Variants in KLRG2 observed in about 807,000 individuals in gnomAD.
KLRG2 encodes killer cell lectin-like receptor subfamily G member 2.
Under a neutral mutation model 35.4 loss-of-function variants are expected in KLRG2, and 39 were observed. The observed-to-expected ratio is 1.10, with a 90% CI of 0.85 to 1.44. KLRG2 has a LOEUF of 1.44. Ranked by LOEUF, KLRG2 falls within the 40% of genes most tolerant of loss-of-function variation. The pLI, the probability that KLRG2 is intolerant of heterozygous loss-of-function variation, is 0.00. For missense variants in KLRG2, 632 were observed against 570.9 expected (o/e 1.11, Z -1.09); for synonymous variants, 283 against 265.8 (o/e 1.06, Z -0.63).
the KLRG2 span, among the ~76,000 whole-genome samples, chr7:139,445,288 G>T: frequency 6.6e-6 from 1 of 152,066 alleles, no homozygotes; most frequent in Non-Finnish European, 1.5e-5. Context: ...CCCCATGTTG[G>T]CCAGGCTGGT....
the KLRG2 span, among the ~76,000 whole-genome samples, chr7:139,429,174 C>T: frequency 2.6e-5 from 4 of 152,038 alleles, no homozygotes; most frequent in African/African-American, 7.2e-5. Flanking sequence ...GACGTGGTGG[C>T]GCGCACCTGT....
At chr7:139,460,099 C>T (rs1188942654) in intron 3 of KLRG2, among the ~76,000 whole-genome samples, 4 of 152,038 alleles carry the variant, frequency 2.6e-5, no homozygotes, top group African/African-American at 7.2e-5. Flanking sequence ...TTGGCCAGGC[C>T]GGTCTCAAAC....
At chr7:139,480,959 G>C in intron 1 of KLRG2, among the ~76,000 whole-genome samples, 1 of 151,626 alleles carries the variant, frequency 6.6e-6, no homozygotes, top group East Asian at 1.9e-4. Context: ...GGTCAGGCTG[G>C]TCTTGAACTC....
At chr7:139,453,914 C>A (rs1796413125) in intron 4 of KLRG2, among the ~76,000 whole-genome samples, 197 bp downstream of exon 4, 1 of 152,150 alleles carries the variant, frequency 6.6e-6, no homozygotes, top group South Asian at 2.1e-4. Flanking sequence ...GGGTGACAAC[C>A]CTGCTTGGGT....
Position 139,483,347 on chromosome 7 carries a change from G to A in KLRG2, c.296C>T (p.Ala99Val). Reference protein sequence around the residue: ...VCPEPPSPGPALVKLPRNGEA... With the variant: ...VCPEPPSPGPVLVKLPRNGEA... ...GCCATTCCGGGGCAGCTTGACCAAGGCAGGGCCCGGTGACGGCGGCTCGGG... is the reference window on the plus strand; with the variant it reads ...GCCATTCCGGGGCAGCTTGACCAAGACAGGGCCCGGTGACGGCGGCTCGGG... The change falls in exon 1 of 5, where the codon GCC becomes GTC. Residue 99 changes from alanine to valine, a missense_variant. By Grantham distance (64) the Ala-to-Val change is moderately conservative. Transcript: ENST00000340940. 6.5e-7 allele frequency: 1 copy of A among 1,542,964 alleles called. No homozygotes were observed. Among genetic ancestry groups the A allele is most frequent in the Non-Finnish European group, 8.7e-7 (1 of 1,154,528 alleles).
chr7:139,438,297 T>C, the KLRG2 span, among the ~76,000 whole-genome samples: 2 of 152,212 alleles, frequency 1.3e-5, no homozygotes, highest in Admixed American at 6.5e-5. Flanking sequence ...AGTGGTGTGA[T>C]TGTAGCTCAC....
At chr7:139,482,369 G>C (rs73484627) in intron 1 of KLRG2, among the ~76,000 whole-genome samples, 6,700 of 152,190 alleles carry the variant, frequency 0.044, 494 homozygotes, top group African/African-American at 0.15. Context: ...AGTGCGGGTA[G>C]GGGAGGATGA....
chr7:139,476,359 G>A (rs1308655653), intron 3 of KLRG2, among the ~76,000 whole-genome samples: 1 of 152,174 alleles, frequency 6.6e-6, no homozygotes, highest in African/African-American at 2.4e-5. Context: ...CAGAACAGCT[G>A]TGCAGCAGGC....
chr7:139,435,876 G>A, the KLRG2 span, among the ~76,000 whole-genome samples: 2 of 150,916 alleles, frequency 1.3e-5, no homozygotes, highest in Non-Finnish European at 2.9e-5. Context: ...TTGGTGAAGT[G>A]TCTATTCAGA....
chr7:139,436,990 G>A, the KLRG2 span, among the ~76,000 whole-genome samples: 2 of 152,174 alleles, frequency 1.3e-5, no homozygotes, highest in African/African-American at 2.4e-5. Context: ...AGGACCTTAC[G>A]GGTTTGAGGT....
intron 3 of KLRG2, among the ~76,000 whole-genome samples, chr7:139,467,885 CAA>C (rs61372966): frequency 0.14 from 21,563 of 152,028 alleles, 1,786 homozygotes; most frequent in African/African-American, 0.24. Flanking sequence ...GCAGTTGAGA[CAA>C]GAGGAAGGCA....
Position 139,454,853 on chromosome 7 carries a change from AATAATAATAAT to A in KLRG2, c.1006-650_1006-640del, listed in dbSNP as rs536929886. Among the ~76,000 whole-genome samples, 234 of 122,790 alleles carry A rather than the reference AATAATAATAAT, an allele frequency of 1.9e-3. 5 individuals are homozygous for A. In the South Asian group the frequency reaches 0.039, roughly 21 times the overall value. 80.6% of individuals were successfully genotyped at this position (122,790 alleles called of 152,430 possible). On this transcript the variant is annotated intron_variant, in intron 3 of 4. Transcript: ENST00000340940. ...TAATAATAATAATAATAATAATAAT[AATAATAATAAT>A]AACACACGCAGATGTGCAGGAACAA...
At chr7:139,471,002 C>T (rs1366569837) in intron 3 of KLRG2, among the ~76,000 whole-genome samples, 1 of 151,776 alleles carries the variant, frequency 6.6e-6, no homozygotes, top group Non-Finnish European at 1.5e-5. Context: ...GTCACCACAC[C>T]TGGATAATTT....
At chr7:139,450,297 C>T (rs553342498), downstream of KLRG2, among the ~76,000 whole-genome samples, 129 of 152,106 alleles carry the variant, frequency 8.5e-4, 1 homozygote, top group Middle Eastern at 3.4e-3. Flanking sequence ...GATCTCGGCT[C>T]ACTGCAAGCT....
At chr7:139,476,640 A>G (rs947267583) in intron 3 of KLRG2, among the ~76,000 whole-genome samples, 3 of 152,058 alleles carry the variant, frequency 2.0e-5, no homozygotes, top group Non-Finnish European at 2.9e-5. Context: ...GGGTTTCACC[A>G]GGTTGGCCAG....
intron 4 of KLRG2, 144 bp from the exon 5 acceptor site, chr7:139,453,851 C>A: frequency 1.0e-6 from 1 of 970,408 alleles, no homozygotes; most frequent in Non-Finnish European, 1.5e-6. Context: ...CCACGTGGCA[C>A]TGGATGAATC....
chr7:139,428,183 A>C, the KLRG2 span, among the ~76,000 whole-genome samples: 1 of 152,180 alleles, frequency 6.6e-6, no homozygotes, highest in African/African-American at 2.4e-5. Flanking sequence ...GTATCTCTCA[A>C]GCTGATTGTA....
Position 139,483,603 on chromosome 7 carries a change from CGGCTTGGCCTCCG to C in KLRG2, c.27_39del (p.Gly11GlnfsTer112). 1 of 1,586,616 alleles carries C rather than the reference CGGCTTGGCCTCCG, an allele frequency of 6.3e-7. No individual in the cohort carries two copies. Among genetic ancestry groups the C allele is most frequent in the Non-Finnish European group, 8.5e-7 (1 of 1,174,526 alleles). ...ACGGGCTCCATTGGGAGCTCTGCCCCGGCTTGGCCTCCGGGCGCAGCCTCCCAAGACTCCTCCA... is the reference window on the plus strand; with the variant it reads ...ACGGGCTCCATTGGGAGCTCTGCCCCGGCGCAGCCTCCCAAGACTCCTCCA... On this transcript the variant is annotated frameshift_variant, in exon 1 of 5. Coordinates refer to ENST00000340940, the MANE Select transcript of KLRG2 (RefSeq NM_198508.4). LOFTEE classifies it high-confidence loss of function.
chr7:139,471,601 C>A (rs1402999413), intron 3 of KLRG2, among the ~76,000 whole-genome samples: 2 of 151,888 alleles, frequency 1.3e-5, no homozygotes, highest in Non-Finnish European at 2.9e-5. Context: ...ATGGTGGTTG[C>A]AGTGAGCCGA....
Sources: gnomAD v4.1 joint callset for allele counts (sites outside exome capture counted in the v4.1 genomes callset) on GRCh38, gnomAD v4.1.1 for gene constraint, MANE v1.5 for transcripts, NCBI Gene and HGNC (gene_info 2026-07-23, HGNC 2026-07-21) for gene names.